Variants in CLASP1 observed in about 807,000 individuals in gnomAD.
The protein encoded by CLASP1 is CLIP-associating protein 1.
CLASP1 carries 38 observed loss-of-function variants against 192.3 expected under a neutral mutation model. The ratio of observed to expected loss-of-function variants is 0.20; its 90% CI spans 0.15 to 0.26. The LOEUF is 0.26. Ranked by LOEUF, CLASP1 falls within the 10% of genes least tolerant of loss-of-function variation. The probability of loss-of-function intolerance (pLI) is 1.00; values close to 1 mark genes in which losing one functional copy is unlikely to be tolerated. For missense variants in CLASP1, 1,433 were observed against 1,932.5 expected (o/e 0.74, Z 4.85); for synonymous variants, 691 against 712.8 (o/e 0.97, Z 0.49).
At chr2:121,581,419 C>T (rs1368413952) in intron 2 of CLASP1, among the ~76,000 whole-genome samples, 3 of 151,320 alleles carry the variant, frequency 2.0e-5, no homozygotes, top group Admixed American at 6.6e-5. Flanking sequence ...GGACTACAGG[C>T]GCCCGCCACC....
At chr2:121,383,173 G>T (rs997959390) in intron 32 of CLASP1, among the ~76,000 whole-genome samples, 1 of 152,198 alleles carries the variant, frequency 6.6e-6, no homozygotes, top group Non-Finnish European at 1.5e-5. Context: ...GGTGATGTGG[G>T]GTAAGGCCAT....
chr2:121,483,395 T>G (rs2092737210), intron 8 of CLASP1, among the ~76,000 whole-genome samples: 2 of 152,144 alleles, frequency 1.3e-5, no homozygotes, highest in South Asian at 4.1e-4. Flanking sequence ...TTTAGGAATC[T>G]GAAGGTTTTT....
chr2:121,413,865 G>A (rs1004545969), intron 23 of CLASP1, among the ~76,000 whole-genome samples: 37 of 152,118 alleles, frequency 2.4e-4, no homozygotes, highest in African/African-American at 8.5e-4. Context: ...TTATTTTCCT[G>A]GGGACAGAGT....
At chr2:121,409,126 C>A in intron 24 of CLASP1, 1 of 1,218,748 alleles carries the variant, frequency 8.2e-7, no homozygotes, top group Non-Finnish European at 1.2e-6. Flanking sequence ...ATTGTTCTTG[C>A]AACAAAAGTG....
intron 8 of CLASP1, among the ~76,000 whole-genome samples, chr2:121,492,674 TA>T (rs200482614): frequency 0.24 from 30,199 of 123,816 alleles, 5,792 homozygotes; most frequent in African/African-American, 0.54. Flanking sequence ...TTAAAAAAAA[TA>T]AAAAAAAAAA....
chr2:121,635,565 G>T (rs1387663883), intron 1 of CLASP1, among the ~76,000 whole-genome samples: 5 of 152,116 alleles, frequency 3.3e-5, no homozygotes, highest in Non-Finnish European at 7.3e-5. Flanking sequence ...TTACAAAACG[G>T]ACTCCCCAGA....
chr2:121,574,095 C>T (rs368707521), intron 2 of CLASP1, among the ~76,000 whole-genome samples: 3 of 152,164 alleles, frequency 2.0e-5, no homozygotes, highest in Non-Finnish European at 2.9e-5. Flanking sequence ...ACTGATGGCC[C>T]GAGGCGGGCA....
At chr2:121,371,193 C>G (rs1166632569) in intron 34 of CLASP1, among the ~76,000 whole-genome samples, 1 of 151,194 alleles carries the variant, frequency 6.6e-6, no homozygotes, top group Non-Finnish European at 1.5e-5. Flanking sequence ...TTTTTGGGCA[C>G]ATATTAAGTG....
At chr2:121,526,866 C>T (rs1049469850) in intron 5 of CLASP1, among the ~76,000 whole-genome samples, 1 of 151,978 alleles carries the variant, frequency 6.6e-6, no homozygotes, top group Non-Finnish European at 1.5e-5. Context: ...GCCTCTCCTA[C>T]AAATAAGCAC....
At chr2:121,538,857 A>G (rs2104964136) in intron 2 of CLASP1, among the ~76,000 whole-genome samples, 1 of 152,254 alleles carries the variant, frequency 6.6e-6, no homozygotes, top group East Asian at 1.9e-4. Flanking sequence ...CAAAGCCAAT[A>G]TATATGAAAA....
intron 8 of CLASP1, among the ~76,000 whole-genome samples, chr2:121,502,370 T>C (rs1229408252): frequency 1.3e-5 from 2 of 152,120 alleles, no homozygotes; most frequent in African/African-American, 4.8e-5. Flanking sequence ...TCAAACAGGG[T>C]GAGGGCACAG....
At chr2:121,391,168 ACAAGGG>A (rs1196215251) in intron 30 of CLASP1, among the ~76,000 whole-genome samples, 3 of 152,332 alleles carry the variant, frequency 2.0e-5, no homozygotes, top group Non-Finnish European at 2.9e-5. Flanking sequence ...CAGAGCCTTC[ACAAGGG>A]CAACTGGTAT....
intron 2 of CLASP1, among the ~76,000 whole-genome samples, chr2:121,582,627 G>GA (rs1226550361): frequency 6.6e-6 from 1 of 151,378 alleles, no homozygotes; most frequent in Non-Finnish European, 1.5e-5. Flanking sequence ...AAGGGAAAGG[G>GA]AAAGGGGAAG....
rs544457413 is a variant in CLASP1, at chr2:121,534,762, AAGC to A, written c.196-4440_196-4438del. On this transcript the variant is annotated intron_variant, in intron 2 of 39. Transcript: ENST00000263710. ...AGACTGTTCTTGAACTCCTGACCTC[AAGC>A]AATCTGCCTGCCTCAGCTCCCAAAG... Among the ~76,000 whole-genome samples, 490 of 152,208 alleles carry A rather than the reference AAGC, an allele frequency of 3.2e-3. 2 individuals are homozygous for A. Among genetic ancestry groups the A allele is most frequent in the Non-Finnish European group, 4.4e-3 (302 of 68,008 alleles).
At chr2:121,345,506 T>C (rs2063337193) in intron 39 of CLASP1, among the ~76,000 whole-genome samples, 1 of 152,216 alleles carries the variant, frequency 6.6e-6, no homozygotes, top group Non-Finnish European at 1.5e-5. Context: ...GTAATTCCCT[T>C]TGTGAATTGT....
chr2:121,599,082 C>T (rs887941608), intron 2 of CLASP1, among the ~76,000 whole-genome samples: 3 of 151,670 alleles, frequency 2.0e-5, no homozygotes, highest in Admixed American at 1.3e-4. Context: ...CCAGGCTGGT[C>T]GTGAACTCCT....
At chr2:121,627,696 G>C (rs1280618587) in intron 1 of CLASP1, among the ~76,000 whole-genome samples, 3 of 152,190 alleles carry the variant, frequency 2.0e-5, no homozygotes, top group Non-Finnish European at 4.4e-5. Flanking sequence ...TGACGGACGA[G>C]GAAAACGTGC....
At chr2:121,530,532 G>A in intron 2 of CLASP1, 1 of 551,390 alleles carries the variant, frequency 1.8e-6, no homozygotes, top group Non-Finnish European at 3.3e-6. Flanking sequence ...GAAAATACTC[G>A]GTGAGGAGAA....
chr2:121,370,364 G>A lies in CLASP1; in HGVS notation c.3643-2533C>T, dbSNP rs190233514. On this transcript the variant is annotated intron_variant, in intron 34 of 39. Coordinates refer to ENST00000263710, the Ensembl canonical transcript of CLASP1. ...TTTGAGACAGAGTTTCACTCTTGTC[G>A]CCCAGGCTGGAGTGTAAATGGTGCA... Among the ~76,000 whole-genome samples, 61 of 151,926 alleles carry A rather than the reference G, an allele frequency of 4.0e-4. 1 individual carries two copies. The East Asian group carries it at 8.7e-3, about 22-fold the overall frequency.
Sources: allele counts gnomAD v4.1 joint callset (sites outside exome capture counted in the v4.1 genomes callset), GRCh38; gene constraint gnomAD v4.1.1; transcripts MANE v1.5; gene names NCBI Gene and HGNC (gene_info 2026-07-23, HGNC 2026-07-21).